Variants in PHLPP2 observed in about 807,000 individuals in gnomAD.
PHLPP2 encodes the protein PH domain leucine-rich repeat-containing protein phosphatase 2.
A neutral mutation model predicts 124.9 loss-of-function variants in PHLPP2; 66 were observed. The ratio of observed to expected loss-of-function variants is 0.53; its 90% CI spans 0.43 to 0.65. The LOEUF is 0.65. PHLPP2 is among the 30% of genes least tolerant of loss of function. The probability of loss-of-function intolerance (pLI) is 0.00; values close to 1 mark genes in which losing one functional copy is unlikely to be tolerated. For synonymous variants in PHLPP2, 681 were observed against 624.7 expected, an observed-to-expected ratio of 1.09 and a Z score of -1.34; for missense variants, 1,685 against 1,600.4, an observed-to-expected ratio of 1.05 and a Z score of -0.90.
At chr16:71,688,885 C>T (rs951824096) in intron 4 of PHLPP2, among the ~76,000 whole-genome samples, 21 of 152,164 alleles carry the variant, frequency 1.4e-4, no homozygotes, top group Non-Finnish European at 5.9e-5. Context: ...GGATTTCATT[C>T]ATTTCCTGGT....
In PHLPP2 at chr16:71,676,517, A is replaced by G. The variant is rs565062852; in HGVS notation, c.1401T>C (p.Cys467=). 2.5e-4 allele frequency: 408 copies of G among 1,614,202 alleles called. 26 individuals are homozygous for G. The South Asian group carries it at 4.4e-3, about 18-fold the overall frequency. Residue 467 remains cysteine (C), a synonymous_variant, in exon 9 of 19, where the codon TGT becomes TGC. Transcript: ENST00000568954. ...TTAGCTCCCTCAGCTGATTCCGCCC[A>G]CAGTGCAGCTGTTCCAAGCTGCATA... The part of the protein sequence containing the change: ...SSLCSLEQLH[C]GRNQLRELTL...
At chr16:71,699,188 T>C (rs2045204457) in intron 3 of PHLPP2, among the ~76,000 whole-genome samples, 1 of 152,216 alleles carries the variant, frequency 6.6e-6, no homozygotes, top group Admixed American at 6.5e-5. Flanking sequence ...AGAGAAATTC[T>C]AGGCAGACAG....
At position 71,712,373 on chromosome 16, in the gene PHLPP2, A is replaced by G. The variant is rs866987476; in HGVS notation, c.284+2139T>C. Among the ~76,000 whole-genome samples, 8 of 152,372 alleles carry G rather than the reference A, an allele frequency of 5.3e-5. No individual in the cohort carries two copies. The South Asian group carries it at 6.2e-4, about 12-fold the overall frequency. On this transcript the variant is annotated intron_variant, in intron 2 of 18. Coordinates refer to ENST00000568954, the MANE Select transcript of PHLPP2 (RefSeq NM_015020.3). ...ACAGGGCACATAAGTAAATAAACAC[A>G]TAAGTAAATAAACTATCACATTCGG...
intron 6 of PHLPP2, among the ~76,000 whole-genome samples, chr16:71,681,530 T>C (rs905559866): frequency 1.3e-5 from 2 of 152,188 alleles, no homozygotes; most frequent in South Asian, 2.1e-4. Flanking sequence ...CATGAAAAGA[T>C]TACCCAGATC....
chr16:71,692,463 A>C (rs891944990), intron 3 of PHLPP2, among the ~76,000 whole-genome samples: 19 of 152,258 alleles, frequency 1.2e-4, no homozygotes, highest in African/African-American at 4.6e-4. Context: ...CTATTTAACC[A>C]TGTGTTTCCC....
intron 10 of PHLPP2, among the ~76,000 whole-genome samples, chr16:71,670,651 G>A (rs992133232): frequency 7.2e-6 from 1 of 139,064 alleles, no homozygotes; most frequent in Non-Finnish European, 1.5e-5. Flanking sequence ...TGTTATGACA[G>A]AAGAGACAAA....
intron 2 of PHLPP2, among the ~76,000 whole-genome samples, chr16:71,712,294 T>C (rs1215245878): frequency 1.3e-5 from 2 of 152,224 alleles, no homozygotes; most frequent in African/African-American, 4.8e-5. Context: ...GCTTTCATTA[T>C]TTTCTAATCA....
At chr16:71,700,295 C>T (rs948133298) in intron 3 of PHLPP2, among the ~76,000 whole-genome samples, 3 of 152,032 alleles carry the variant, frequency 2.0e-5, no homozygotes, top group African/African-American at 2.4e-5. Flanking sequence ...GTTCCAGCTA[C>T]TTGGGAGGCT....
chr16:71,724,122 C>T (rs2045418714), intron 1 of PHLPP2: 1 of 153,158 alleles, frequency 6.5e-6, no homozygotes, highest in South Asian at 2.1e-4. Context: ...AGCGCTGGGC[C>T]TCCACTGCCC....
At chr16:71,656,335 T>C (rs2044741631) in intron 16 of PHLPP2, among the ~76,000 whole-genome samples, 1 of 152,192 alleles carries the variant, frequency 6.6e-6, no homozygotes, top group African/African-American at 2.4e-5. Flanking sequence ...GAAAGTAGCA[T>C]CTACCCATCT....
At chr16:71,669,422 CA>C in intron 10 of PHLPP2, 52 bp from the exon 11 acceptor site, 1 of 1,290,076 alleles carries the variant, frequency 7.8e-7, no homozygotes, top group Non-Finnish European at 1.1e-6. Flanking sequence ...AAGTGGAACT[CA>C]TTTCAGTAGG....
At chr16:71,697,817 CTTTT>C (rs1003788064) in intron 3 of PHLPP2, among the ~76,000 whole-genome samples, 3 of 129,456 alleles carry the variant, frequency 2.3e-5, no homozygotes, top group African/African-American at 9.3e-5. Context: ...CTCTCTCTCT[CTTTT>C]TTTTTTTAAG....
In PHLPP2 at chr16:71,698,423, G is replaced by T. The variant is rs2045195825; in HGVS notation, c.418+4175C>A. ...TCAATCATGTGCTCCTTGTTATGCA[G>T]CTTGGTGCAGATGGACATGGTAACT... is the stretch of plus-strand genomic sequence containing the variant. On this transcript the variant is annotated intron_variant, in intron 3 of 18. Coordinates refer to ENST00000568954, the MANE Select transcript of PHLPP2 (RefSeq NM_015020.3). 4.2e-6 allele frequency: 3 copies of T among 716,670 alleles called. No individual in the cohort carries two copies. The South Asian group carries it at 4.2e-5, about 10-fold the overall frequency. 44.4% of individuals were successfully genotyped at this position (716,670 alleles called of 1,614,324 possible).
chr16:71,658,345 T>C lies in PHLPP2; in HGVS notation c.2167A>G (p.Asn723Asp). The stretch of plus-strand genomic sequence containing the variant: ...GGAATCAGGATTTCTGTCAAGTCGT[T>C]GCAACTTAGGTCTACAAACTAAGAA... ...PQIQFVDLSC[N>D]DLTEILIPEA... is the part of the protein sequence containing the mutation. Residue 723 changes from asparagine to aspartate, a missense_variant, in exon 15 of 19, where the codon AAC (asparagine) becomes GAC (aspartate). By Grantham distance (23) the Asn-to-Asp change is conservative. Transcript: ENST00000568954. 4 of 1,613,912 alleles carry C rather than the reference T, an allele frequency of 2.5e-6. No homozygotes were observed. The highest frequency in any genetic ancestry group is 3.4e-6 in the Non-Finnish European group (4 of 1,179,898).
At chr16:71,652,758 AGC>A (rs1247473978) in intron 18 of PHLPP2, 30 bp downstream of exon 18, 1 of 1,503,790 alleles carries the variant, frequency 6.6e-7, no homozygotes, top group South Asian at 1.1e-5. Context: ...TGATTTGGGG[AGC>A]AGAAGTGACT....
At chr16:71,717,720 C>T (rs1027361892) in intron 1 of PHLPP2, among the ~76,000 whole-genome samples, 5 of 152,024 alleles carry the variant, frequency 3.3e-5, no homozygotes, top group Admixed American at 2.6e-4. Context: ...AACAGTATTC[C>T]ATATAGTATA....
At chr16:71,720,540 G>C (rs1386247373) in intron 1 of PHLPP2, among the ~76,000 whole-genome samples, 4 of 152,156 alleles carry the variant, frequency 2.6e-5, no homozygotes, top group Non-Finnish European at 5.9e-5. Context: ...GTCTGGTAAA[G>C]TAACTCTCCA....
At chr16:71,711,424 T>C (rs1214038797) in intron 2 of PHLPP2, among the ~76,000 whole-genome samples, 2 of 152,040 alleles carry the variant, frequency 1.3e-5, no homozygotes, top group Admixed American at 1.3e-4. Context: ...CATAAATATT[T>C]AAAAGTATGT....
chr16:71,645,624 C>A lies in PHLPP2; in HGVS notation c.*3266G>T, dbSNP rs192800110. ...GAGCATCATTTGATATTCAGTAGATCTGCCACACCCAACTGGCTCCATCTC... is the reference window on the plus strand; with the variant it reads ...GAGCATCATTTGATATTCAGTAGATATGCCACACCCAACTGGCTCCATCTC... On this transcript the variant is annotated 3_prime_UTR_variant, in exon 19 of 19. Transcript: ENST00000568954. 6.5e-6 allele frequency: 1 copy of A among 153,158 alleles called. No homozygotes were observed. Among genetic ancestry groups the A allele is most frequent in the African/African-American group, 2.4e-5 (1 of 41,446 alleles). 9.5% of individuals were successfully genotyped at this position (153,158 alleles called of 1,614,324 possible).
Sources: allele counts gnomAD v4.1 joint callset (sites outside exome capture counted in the v4.1 genomes callset), GRCh38; gene constraint gnomAD v4.1.1; transcripts MANE v1.5; gene names NCBI Gene and HGNC (gene_info 2026-07-23, HGNC 2026-07-21).